Variants in GNG7 observed in about 807,000 individuals in gnomAD.
The protein encoded by GNG7 is G protein subunit gamma 7.
In GNG7, 1 loss-of-function variant was observed where a neutral mutation model predicts 4.0. That is an observed-to-expected ratio of 0.25 (90% CI 0.09 to 1.18). GNG7 has a LOEUF of 1.18. Ranked by LOEUF, GNG7 falls within the 50% of genes most tolerant of loss-of-function variation. The probability of loss-of-function intolerance (pLI) is 0.50; values close to 1 mark genes in which losing one functional copy is unlikely to be tolerated. For synonymous variants in GNG7, 34 were observed against 36.9 expected, an observed-to-expected ratio of 0.92 and a Z score of 0.29; for missense variants, 86 against 91.9, an observed-to-expected ratio of 0.94 and a Z score of 0.26.
intron 2 of GNG7, among the ~76,000 whole-genome samples, chr19:2,591,461 T>G (rs1310172182): frequency 2.2e-5 from 3 of 139,288 alleles, no homozygotes; most frequent in Middle Eastern, 3.3e-3. Context: ...GGGTTTTTTT[T>G]TTTTTTTTTT....
Position 2,512,056 on chromosome 19 carries a change from T to C in GNG7, c.*2966A>G, listed in dbSNP as rs1355619990. On this transcript the variant is annotated 3_prime_UTR_variant, in exon 5 of 5. Coordinates refer to ENST00000382159, the MANE Select transcript of GNG7 (RefSeq NM_052847.3). This position sits in a 1 kb window ranked among gnomAD's most constrained non-coding sequence, Gnocchi z 4.7. ...GGCTACAGAAGGAGAAACGGCCTTC[T>C]CTCTCCCACCCGACGCTGCCTTGTG... The C allele has an allele frequency of 1.0e-6, 1 of 985,758 alleles. No homozygotes were observed. Among genetic ancestry groups the C allele is most frequent in the African/African-American group, 1.7e-5 (1 of 57,306 alleles). The allele number at this position is 985,758 out of a possible 1,614,324, so 61.1% of individuals were successfully genotyped here.
intron 1 of GNG7, among the ~76,000 whole-genome samples, chr19:2,692,037 C>T (rs1223065022): frequency 1.3e-5 from 2 of 152,172 alleles, no homozygotes; most frequent in Non-Finnish European, 2.9e-5. Flanking sequence ...CTAGAAGGAG[C>T]GCAGCCCTGC....
chr19:2,659,592 T>TAAAA (rs879035849), intron 1 of GNG7, among the ~76,000 whole-genome samples: 1 of 43,468 alleles, frequency 2.3e-5, no homozygotes, highest in African/African-American at 1.1e-4. Flanking sequence ...GACTCCATCT[T>TAAAA]AAAAAAAAAA....
chr19:2,549,242 G>A (rs544753303), intron 3 of GNG7, among the ~76,000 whole-genome samples: 40 of 152,060 alleles, frequency 2.6e-4, no homozygotes, highest in African/African-American at 9.2e-4. Flanking sequence ...AATGGCAGCC[G>A]TGGGGGTGGA....
chr19:2,583,425 G>T (rs1382988258), intron 2 of GNG7, among the ~76,000 whole-genome samples: 4 of 152,178 alleles, frequency 2.6e-5, no homozygotes, highest in Non-Finnish European at 4.4e-5. Flanking sequence ...GTCTTCATGG[G>T]GTGAGGTTGG....
chr19:2,613,616 G>A (rs558165867), intron 2 of GNG7, among the ~76,000 whole-genome samples: 199 of 152,090 alleles, frequency 1.3e-3, no homozygotes, highest in Non-Finnish European at 2.2e-3. Context: ...TGGGGAATCT[G>A]TGGATTCCCC....
intron 1 of GNG7, among the ~76,000 whole-genome samples, chr19:2,700,339 C>A (rs534164097): frequency 1.3e-5 from 2 of 152,046 alleles, no homozygotes; most frequent in African/African-American, 4.8e-5. Context: ...GACAGGTTTT[C>A]GCTATATTGG....
chr19:2,613,417 T>A (rs1437520079), intron 2 of GNG7, among the ~76,000 whole-genome samples: 1 of 151,926 alleles, frequency 6.6e-6, no homozygotes, highest in African/African-American at 2.4e-5. Context: ...GAGAATGCAA[T>A]CTGTCCCCGC....
chr19:2,650,388 C>T (rs1982780046), intron 1 of GNG7, among the ~76,000 whole-genome samples: 1 of 152,020 alleles, frequency 6.6e-6, no homozygotes, highest in African/African-American at 2.4e-5. Flanking sequence ...GGGGTTTCCT[C>T]ATGTTGGCCA....
intron 1 of GNG7, among the ~76,000 whole-genome samples, chr19:2,659,553 A>G (rs1337188216): frequency 2.5e-4 from 35 of 139,808 alleles, no homozygotes; most frequent in Non-Finnish European, 3.2e-4. Flanking sequence ...TCACGCCACT[A>G]CACTCCAGCC....
At chr19:2,516,697 C>T (rs1005872001) in intron 4 of GNG7, among the ~76,000 whole-genome samples, 1 of 152,188 alleles carries the variant, frequency 6.6e-6, no homozygotes, top group African/African-American at 2.4e-5. Context: ...ATTTGATGAG[C>T]TTGAGGGAGG....
intron 4 of GNG7, among the ~76,000 whole-genome samples, chr19:2,516,741 C>G (rs8100989): frequency 6.6e-6 from 1 of 152,160 alleles, no homozygotes; most frequent in Non-Finnish European, 1.5e-5. Context: ...GGGCTGGGCC[C>G]GGTGAGGACG....
Position 2,694,977 on chromosome 19 carries a change from C to T in GNG7, c.-135+7669G>A, listed in dbSNP as rs546127291. On this transcript the variant is annotated intron_variant, in intron 1 of 4. Transcript: ENST00000382159. Reference sequence around the variant, plus strand: ...GAACTCGAGCTCAGGAGTTCGAGACCAGCCTAGGCAATACAGGGGGACCTC... The same window carrying T: ...GAACTCGAGCTCAGGAGTTCGAGACTAGCCTAGGCAATACAGGGGGACCTC... 2.7e-3 allele frequency among the ~76,000 whole-genome samples: 412 copies of T among 152,118 alleles called. 4 individuals are homozygous for T. The highest frequency in any genetic ancestry group is 9.6e-3 in the African/African-American group (396 of 41,444).
intron 1 of GNG7, among the ~76,000 whole-genome samples, chr19:2,691,906 A>G (rs1913144255): frequency 6.7e-6 from 1 of 149,062 alleles, no homozygotes; most frequent in Non-Finnish European, 1.5e-5. Flanking sequence ...TTCCACGGAC[A>G]CCCGGGGAGA....
chr19:2,656,029 C>CAAACAAAAA, intron 1 of GNG7, among the ~76,000 whole-genome samples: 1 of 98,086 alleles, frequency 1.0e-5, no homozygotes, highest in African/African-American at 3.7e-5. Flanking sequence ...CGATTCAAAA[C>CAAACAAAAA]AAAAAAAAAA....
chr19:2,664,242 A>C (rs1230589251), intron 1 of GNG7, among the ~76,000 whole-genome samples: 1 of 152,168 alleles, frequency 6.6e-6, no homozygotes. Context: ...ATATAGAAAC[A>C]CAGCCCTGTC....
At chr19:2,563,139 G>A (rs994710436) in intron 2 of GNG7, among the ~76,000 whole-genome samples, 74 of 151,758 alleles carry the variant, frequency 4.9e-4, no homozygotes, top group African/African-American at 1.7e-3. Context: ...TAGTAAAGAC[G>A]GGGTTTCACC....
At chr19:2,570,053 AG>A (rs1337341959) in intron 2 of GNG7, among the ~76,000 whole-genome samples, 3 of 147,946 alleles carry the variant, frequency 2.0e-5, no homozygotes, top group Non-Finnish European at 4.6e-5. Context: ...TTGTGGCGGG[AG>A]GGGGGTCCCT....
At chr19:2,549,691 G>A (rs994294553) in intron 3 of GNG7, among the ~76,000 whole-genome samples, 68 of 151,690 alleles carry the variant, frequency 4.5e-4, no homozygotes, top group African/African-American at 1.5e-3. Context: ...AGACACCACT[G>A]CAGCTACCAC....
Sources: gnomAD v4.1 joint callset for allele counts (sites outside exome capture counted in the v4.1 genomes callset) on GRCh38, gnomAD v4.1.1 for gene constraint, Gnocchi (gnomAD v3.1) non-coding constraint, MANE v1.5 for transcripts, NCBI Gene and HGNC (gene_info 2026-07-23, HGNC 2026-07-21) for gene names.